Variants in CAB39 observed in about 807,000 individuals in gnomAD.
CAB39 encodes calcium-binding protein 39.
Under a neutral mutation model 40.0 loss-of-function variants are expected in CAB39, and 8 were observed. The observed-to-expected ratio is 0.20, with a 90% CI of 0.12 to 0.36. The LOEUF (loss-of-function observed/expected upper bound fraction) is 0.36, where lower values mean the gene tolerates loss of function less well. Ranked by LOEUF, CAB39 falls within the 10% of genes least tolerant of loss-of-function variation. The pLI is 1.00. For missense variants in CAB39, 270 were observed against 401.1 expected, an observed-to-expected ratio of 0.67 and a Z score of 2.79; for synonymous variants, 156 against 141.6, an observed-to-expected ratio of 1.10 and a Z score of -0.72.
At chr2:230,724,261 AAGAT>A (rs1461671310) in intron 1 of CAB39, among the ~76,000 whole-genome samples, 4 of 151,244 alleles carry the variant, frequency 2.6e-5, no homozygotes, top group Non-Finnish European at 4.4e-5. Flanking sequence ...AAAAAAAAAG[AAGAT>A]AGCATAAAGG....
At chr2:230,772,012 A>G (rs1695490644) in intron 2 of CAB39, among the ~76,000 whole-genome samples, 1 of 152,222 alleles carries the variant, frequency 6.6e-6, no homozygotes, top group Admixed American at 6.5e-5. Context: ...ACCTTGGGTT[A>G]GGCAAATAAT....
At chr2:230,785,246 A>T (rs901490409) in intron 2 of CAB39, among the ~76,000 whole-genome samples, 1 of 152,346 alleles carries the variant, frequency 6.6e-6, no homozygotes, top group African/African-American at 2.4e-5. Context: ...AATGACATGC[A>T]GGTCAGTGAC....
intron 1 of CAB39, chr2:230,713,802 G>A (rs1377811007): frequency 6.6e-6 from 1 of 152,380 alleles, no homozygotes; most frequent in Non-Finnish European, 1.5e-5. Context: ...GGGATTCAAA[G>A]GTGAAGCGGG....
At chr2:230,727,960 C>T (rs1425513136) in intron 1 of CAB39, among the ~76,000 whole-genome samples, 10 of 152,094 alleles carry the variant, frequency 6.6e-5, no homozygotes, top group Non-Finnish European at 1.5e-5. Flanking sequence ...TAGCCCAGGC[C>T]AGGTGTGGTG....
chr2:230,798,984 C>T (rs879880972), intron 5 of CAB39, 87 bp downstream of exon 5: 36 of 960,196 alleles, frequency 3.7e-5, no homozygotes, highest in Admixed American at 2.3e-4. Context: ...TAAATCTACA[C>T]GTGGCTGCCC....
At position 230,790,946 on chromosome 2, in the gene CAB39, G is replaced by A. The variant is rs1231578064; in HGVS notation, c.189G>A (p.Gln63=). 1.2e-6 allele frequency: 2 copies of A among 1,613,522 alleles called. No homozygotes were observed. Among genetic ancestry groups the A allele is most frequent in the Non-Finnish European group, 1.7e-6 (2 of 1,179,496 alleles). The change falls in exon 3 of 9, where the codon CAG becomes CAA. Residue 63 remains glutamine (Q), a synonymous_variant. Transcript: ENST00000258418. ...ATGGCACAAATGAAAAAGAGCCTCA[G>A]ACAGAAGCAGTAGCTCAACTTGCTC... ...ILYGTNEKEP[Q]TEAVAQLAQE...
chr2:230,754,609 C>T (rs915498046), intron 1 of CAB39, among the ~76,000 whole-genome samples: 3 of 152,140 alleles, frequency 2.0e-5, no homozygotes, highest in Middle Eastern at 3.2e-3. Flanking sequence ...ACCTCCGCCT[C>T]CCAGGTTTAA....
At chr2:230,794,028 T>C (rs1434053375) in intron 4 of CAB39, among the ~76,000 whole-genome samples, 4 of 152,244 alleles carry the variant, frequency 2.6e-5, no homozygotes, top group African/African-American at 9.6e-5. Flanking sequence ...ACCAGAGTTG[T>C]GTGCCAGCCC....
intron 2 of CAB39, among the ~76,000 whole-genome samples, chr2:230,770,188 GA>G (rs575628123): frequency 9.4e-5 from 14 of 148,610 alleles, no homozygotes; most frequent in Admixed American, 4.0e-4. Context: ...CAGTTAAATA[GA>G]AAAAAAAAAT....
At chr2:230,716,270 C>T (rs758288583) in intron 1 of CAB39, among the ~76,000 whole-genome samples, 9 of 152,148 alleles carry the variant, frequency 5.9e-5, no homozygotes, top group Non-Finnish European at 1.0e-4. Context: ...ATTGCAAATA[C>T]GTATGCCACA....
At chr2:230,756,411 C>CA (rs1473201529) in intron 1 of CAB39, among the ~76,000 whole-genome samples, 2 of 152,158 alleles carry the variant, frequency 1.3e-5, no homozygotes, top group Non-Finnish European at 2.9e-5. Flanking sequence ...ATAATGCAGT[C>CA]AATCATTGAC....
chr2:230,807,129 T>C (rs1696209871), intron 5 of CAB39, among the ~76,000 whole-genome samples: 1 of 152,206 alleles, frequency 6.6e-6, no homozygotes, highest in South Asian at 2.1e-4. Context: ...GCAACTCTGC[T>C]GGTCTGGGGT....
At chr2:230,738,447 C>T (rs1053126930) in intron 1 of CAB39, among the ~76,000 whole-genome samples, 25 of 152,326 alleles carry the variant, frequency 1.6e-4, no homozygotes, top group African/African-American at 5.3e-4. Flanking sequence ...TGTTTAGCCT[C>T]ATTATTTCAT....
intron 1 of CAB39, chr2:230,725,199 C>T (rs554342434): frequency 2.5e-6 from 4 of 1,606,684 alleles, no homozygotes; most frequent in South Asian, 2.2e-5. Context: ...TTGGCGCTGG[C>T]GCCACAAGTG....
intron 3 of CAB39, among the ~76,000 whole-genome samples, chr2:230,792,176 A>G (rs913499223): frequency 6.6e-6 from 1 of 152,238 alleles, no homozygotes; most frequent in Non-Finnish European, 1.5e-5. Context: ...AGCTGATTTC[A>G]TGTATTTTTA....
At chr2:230,740,807 C>T (rs1694863655) in intron 1 of CAB39, among the ~76,000 whole-genome samples, 1 of 152,190 alleles carries the variant, frequency 6.6e-6, no homozygotes, top group African/African-American at 2.4e-5. Flanking sequence ...TACCACTCCA[C>T]AGCCCGGGGG....
At chr2:230,771,320 AAAAG>A (rs1695479638) in intron 2 of CAB39, among the ~76,000 whole-genome samples, 1 of 152,172 alleles carries the variant, frequency 6.6e-6, no homozygotes. Context: ...AGAATGGAAA[AAAAG>A]AAAAAGAAAA....
chr2:230,778,864 T>G (rs572618757), intron 2 of CAB39: 1 of 151,346 alleles, frequency 6.6e-6, no homozygotes, highest in Admixed American at 6.5e-5. Flanking sequence ...AGTATTTGTT[T>G]ATCTAAACAT....
chr2:230,809,962 A>C (rs765506992), intron 5 of CAB39, among the ~76,000 whole-genome samples: 5 of 152,186 alleles, frequency 3.3e-5, no homozygotes, highest in Admixed American at 6.5e-5. Context: ...GGGGAGTGTT[A>C]ACTTTAATTT....
Sources: allele counts gnomAD v4.1 joint callset (sites outside exome capture counted in the v4.1 genomes callset), GRCh38; gene constraint gnomAD v4.1.1; transcripts MANE v1.5; gene names NCBI Gene and HGNC (gene_info 2026-07-23, HGNC 2026-07-21).